Variants in NMNAT2 observed in about 807,000 individuals in gnomAD.
NMNAT2 encodes nicotinamide nucleotide adenylyltransferase 2, also known as nicotinamide/nicotinic acid mononucleotide adenylyltransferase 2.
In NMNAT2, 11 loss-of-function variants were observed where a neutral mutation model predicts 41.6. The observed-to-expected ratio is 0.26, with a 90% CI of 0.17 to 0.44. NMNAT2 has a LOEUF of 0.44. NMNAT2 is among the 20% of genes least tolerant of loss of function. The pLI, the probability that NMNAT2 is intolerant of heterozygous loss-of-function variation, is 1.00. For synonymous variants in NMNAT2, 148 were observed against 151.2 expected (o/e 0.98, Z 0.16); for missense variants, 288 against 407.7 (o/e 0.71, Z 2.53).
chr1:183,357,209 A>G (rs1430715308), intron 1 of NMNAT2, among the ~76,000 whole-genome samples: 1 of 147,920 alleles, frequency 6.8e-6, no homozygotes, highest in African/African-American at 2.5e-5. Flanking sequence ...GGGAAGAGAG[A>G]CATCAAATTC....
intron 1 of NMNAT2, among the ~76,000 whole-genome samples, chr1:183,338,590 G>A (rs999209592): frequency 1.3e-5 from 2 of 152,084 alleles, no homozygotes; most frequent in Admixed American, 6.6e-5. Context: ...CTGTTTTGTC[G>A]ACTTTACATT....
intron 1 of NMNAT2, among the ~76,000 whole-genome samples, chr1:183,366,577 G>A (rs201900627): frequency 1.3e-5 from 2 of 152,188 alleles, no homozygotes; most frequent in Non-Finnish European, 2.9e-5. Context: ...GGTATTGCAG[G>A]AAATGTCTTT....
intron 8 of NMNAT2, among the ~76,000 whole-genome samples, chr1:183,272,192 A>G (rs756211310): frequency 9.9e-5 from 15 of 152,136 alleles, no homozygotes; most frequent in Non-Finnish European, 1.8e-4. Flanking sequence ...CCCATGGTTG[A>G]CCCTGTAGCC....
At chr1:183,265,809 G>A (rs1660797970) in intron 8 of NMNAT2, among the ~76,000 whole-genome samples, 1 of 152,122 alleles carries the variant, frequency 6.6e-6, no homozygotes, top group South Asian at 2.1e-4. Flanking sequence ...CTGTGAATAT[G>A]GCAAAAGAGA....
intron 1 of NMNAT2, among the ~76,000 whole-genome samples, chr1:183,323,416 A>G (rs545453450): frequency 2.0e-5 from 3 of 152,160 alleles, no homozygotes; most frequent in African/African-American, 4.8e-5. Context: ...TAGCTTTTTC[A>G]TCTCCACTGC....
intron 8 of NMNAT2, among the ~76,000 whole-genome samples, chr1:183,267,853 G>C (rs751130345): frequency 2.6e-5 from 4 of 152,076 alleles, no homozygotes; most frequent in Non-Finnish European, 5.9e-5. Context: ...TCTCATTCGT[G>C]ATGGTGGCCA....
chr1:183,305,516 A>G (rs2102320172), intron 1 of NMNAT2, among the ~76,000 whole-genome samples: 2 of 152,298 alleles, frequency 1.3e-5, no homozygotes, highest in East Asian at 3.9e-4. Flanking sequence ...TTCTTAACAT[A>G]GGGATAATTC....
intron 1 of NMNAT2, among the ~76,000 whole-genome samples, chr1:183,357,627 A>G (rs541805807): frequency 6.6e-6 from 1 of 152,326 alleles, no homozygotes; most frequent in African/African-American, 2.4e-5. Context: ...TCAACAGTGT[A>G]CAAGCGTTCT....
At chr1:183,364,333 G>A (rs1663369398) in intron 1 of NMNAT2, among the ~76,000 whole-genome samples, 1 of 152,222 alleles carries the variant, frequency 6.6e-6, no homozygotes, top group African/African-American at 2.4e-5. Context: ...GGAGCTCACA[G>A]GGTAGGACTT....
chr1:183,305,188 T>A (rs2102319971), intron 1 of NMNAT2, among the ~76,000 whole-genome samples: 1 of 151,734 alleles, frequency 6.6e-6, no homozygotes, highest in South Asian at 2.1e-4. Flanking sequence ...TAAATATATA[T>A]GTAAAAATAT....
chr1:183,305,975 G>A (rs529558), intron 1 of NMNAT2, among the ~76,000 whole-genome samples: 37,884 of 151,958 alleles, frequency 0.25, 4,920 homozygotes, highest in Middle Eastern at 0.29. Flanking sequence ...ACCTGCTTCG[G>A]CCTCCCAAAG....
chr1:183,378,637 A>G (rs1176659493), intron 1 of NMNAT2, among the ~76,000 whole-genome samples: 2 of 152,144 alleles, frequency 1.3e-5, no homozygotes, highest in African/African-American at 2.4e-5. Flanking sequence ...GAAAAAGAAA[A>G]TGGAAGCAAA....
chr1:183,318,450 C>T (rs1281263022), intron 1 of NMNAT2, among the ~76,000 whole-genome samples: 1 of 152,166 alleles, frequency 6.6e-6, no homozygotes, highest in East Asian at 1.9e-4. Context: ...GTCAGGGCAG[C>T]TCTGCAAGAT....
At chr1:183,370,315 G>A (rs1402468578) in intron 1 of NMNAT2, among the ~76,000 whole-genome samples, 6 of 151,092 alleles carry the variant, frequency 4.0e-5, no homozygotes, top group African/African-American at 1.5e-4. Context: ...GTACCAGACA[G>A]ACCTAGTTCC....
chr1:183,371,051 G>T lies in NMNAT2; in HGVS notation c.85+47132C>A, dbSNP rs557433525. On this transcript the variant is annotated intron_variant, in intron 1 of 10. Transcript: ENST00000287713. ...ATGACCTGGACAAATATTTCAGAATGGATTCCCCCACACCTCCACAGGAGA... is the reference window on the plus strand; with the variant it reads ...ATGACCTGGACAAATATTTCAGAATTGATTCCCCCACACCTCCACAGGAGA... Among the ~76,000 whole-genome samples, 6 of 152,214 alleles carry T rather than the reference G, an allele frequency of 3.9e-5. No individual in the cohort carries two copies. In the South Asian group the frequency reaches 1.2e-3, roughly 32 times the overall value.
At chr1:183,387,447 A>T (rs1648278284) in intron 1 of NMNAT2, among the ~76,000 whole-genome samples, 1 of 152,224 alleles carries the variant, frequency 6.6e-6, no homozygotes, top group South Asian at 2.1e-4. Context: ...CATCTACTTT[A>T]TAGCAGAGAA....
At chr1:183,326,913 G>A (rs1362124768) in intron 1 of NMNAT2, among the ~76,000 whole-genome samples, 2 of 152,174 alleles carry the variant, frequency 1.3e-5, no homozygotes, top group African/African-American at 4.8e-5. Context: ...AGGACTGGGA[G>A]AGGACCAAGA....
chr1:183,395,878 G>C (rs575256297), intron 1 of NMNAT2, among the ~76,000 whole-genome samples: 14 of 152,294 alleles, frequency 9.2e-5, no homozygotes, highest in African/African-American at 3.4e-4. Flanking sequence ...TTAGCATAAA[G>C]GTGAGTGTGG....
At chr1:183,260,466 C>T (rs1218152980) in intron 10 of NMNAT2, among the ~76,000 whole-genome samples, 3 of 12,148 alleles carry the variant, frequency 2.5e-4, no homozygotes, top group African/African-American at 3.2e-4. Context: ...CTGAAAACAC[C>T]CTGTTCTCCC....
Sources: gnomAD v4.1 joint callset for allele counts (sites outside exome capture counted in the v4.1 genomes callset) on GRCh38, gnomAD v4.1.1 for gene constraint, MANE v1.5 for transcripts, NCBI Gene and HGNC (gene_info 2026-07-23, HGNC 2026-07-21) for gene names.